The following GBE1 variants were observed in gnomAD, a reference collection of about 807,000 sequenced individuals.
GBE1 encodes the protein 1,4-alpha-glucan branching enzyme 1, also known as 1,4-alpha-glucan-branching enzyme.
Under a neutral mutation model 88.8 loss-of-function variants are expected in GBE1, and 70 were observed. The ratio of observed to expected loss-of-function variants is 0.79; its 90% CI spans 0.65 to 0.96. The LOEUF (loss-of-function observed/expected upper bound fraction) is 0.96, where lower values mean the gene tolerates loss of function less well. Among genes scored for constraint, GBE1 ranks in the 40% least tolerant of loss-of-function variants. The pLI is 0.00. For missense variants in GBE1, 872 were observed against 871.0 expected (o/e 1.00, Z -0.01); for synonymous variants, 284 against 300.1 (o/e 0.95, Z 0.56).
intron 2 of GBE1, among the ~76,000 whole-genome samples, chr3:81,684,362 A>T (rs376361477): frequency 6.6e-6 from 1 of 152,200 alleles, no homozygotes; most frequent in African/African-American, 2.4e-5. Context: ...TGGGTCACTT[A>T]AACAAAAAAC....
intron 1 of GBE1, among the ~76,000 whole-genome samples, chr3:81,722,799 G>A (rs1706051354): frequency 6.6e-6 from 1 of 150,786 alleles, no homozygotes; most frequent in Admixed American, 6.6e-5. Context: ...TCTATATTCA[G>A]TTTTCCCACC....
In GBE1 at chr3:81,705,521, T is replaced by C; in HGVS notation, c.236A>G (p.His79Arg). Reference protein sequence around the residue: ...FSRGYESFGVHRCADGGLYCK... With the variant: ...FSRGYESFGVRRCADGGLYCK... ...GTATAAACCACCATCAGCACATCTG[T>C]GGACGCCAAATGATTCATAGCCTCT... Residue 79 changes from histidine (H) to arginine (R), a missense_variant, in exon 2 of 16, where the codon CAC (histidine) becomes CGC (arginine). Transcript: ENST00000429644. The C allele has an allele frequency of 6.2e-7, 1 of 1,603,054 alleles. No individual in the cohort carries two copies. The highest frequency in any genetic ancestry group is 8.5e-7 in the Non-Finnish European group (1 of 1,174,390).
chr3:81,558,098 A>G (rs1703372021), intron 12 of GBE1, among the ~76,000 whole-genome samples: 1 of 152,078 alleles, frequency 6.6e-6, no homozygotes, highest in African/African-American at 2.4e-5. Context: ...AAGAGAAAAA[A>G]TGATAAAATA....
At chr3:81,526,399 G>C (rs1215483361) in intron 14 of GBE1, among the ~76,000 whole-genome samples, 1 of 151,992 alleles carries the variant, frequency 6.6e-6, no homozygotes, top group Non-Finnish European at 1.5e-5. Context: ...AGAAATAAAG[G>C]GTAATCAATT....
chr3:81,705,063 G>A (rs1005145463), intron 2 of GBE1, among the ~76,000 whole-genome samples: 26 of 152,122 alleles, frequency 1.7e-4, no homozygotes, highest in Admixed American at 1.7e-3. Flanking sequence ...GAACTATGAT[G>A]CCAGCCAGCC....
At chr3:81,621,998 A>C (rs1240190818) in intron 7 of GBE1, among the ~76,000 whole-genome samples, 2 of 152,216 alleles carry the variant, frequency 1.3e-5, no homozygotes, top group Non-Finnish European at 2.9e-5. Context: ...TTTTCTAAGA[A>C]CCCTATCAGC....
At chr3:81,756,245 T>A (rs1325404146) in intron 1 of GBE1, among the ~76,000 whole-genome samples, 1 of 152,176 alleles carries the variant, frequency 6.6e-6, no homozygotes. Context: ...CATCTTTAGC[T>A]CTTTAATTGA....
intron 14 of GBE1, among the ~76,000 whole-genome samples, chr3:81,500,830 C>T (rs995047837): frequency 1.3e-5 from 2 of 152,288 alleles, no homozygotes; most frequent in Middle Eastern, 3.4e-3. Context: ...TATTAAAATG[C>T]AGATTATATT....
At chr3:81,583,736 T>C (rs1224171222) in intron 10 of GBE1, among the ~76,000 whole-genome samples, 2 of 152,134 alleles carry the variant, frequency 1.3e-5, no homozygotes, top group Non-Finnish European at 2.9e-5. Flanking sequence ...TGCCAGCGGT[T>C]AAGGCATTAT....
rs775874322 is a variant in GBE1, at chr3:81,591,054, A to C, written c.1219T>G (p.Ser407Ala). Reference protein sequence around the residue: ...NHLVHTLCPDSITIAEDVSGM... With the variant: ...NHLVHTLCPDAITIAEDVSGM... ...GGCTTTACCTCAGCTATTGTTATAG[A>C]ATCGGGACACAGCGTGTGAACCAAA... The change falls in exon 9 of 16, where the codon TCT becomes GCT. Residue 407 changes from serine (S) to alanine (A), a missense_variant. Ser to Ala is a moderately conservative substitution (Grantham distance 99). Transcript: ENST00000429644. The C allele has an allele frequency of 1.2e-6, 2 of 1,609,880 alleles. No homozygotes were observed. Among genetic ancestry groups the C allele is most frequent in the East Asian group, 2.2e-5 (1 of 44,740 alleles).
intron 12 of GBE1, among the ~76,000 whole-genome samples, chr3:81,537,311 C>T (rs1249291220): frequency 6.6e-6 from 1 of 152,020 alleles, no homozygotes; most frequent in Admixed American, 6.6e-5. Flanking sequence ...CAGGGTCCAG[C>T]TTCAGTTTGG....
chr3:81,659,741 G>A (rs960417113), intron 3 of GBE1, among the ~76,000 whole-genome samples: 4 of 151,960 alleles, frequency 2.6e-5, no homozygotes, highest in Non-Finnish European at 1.5e-5. Flanking sequence ...AAGAAATCTA[G>A]AGAAATTCCG....
chr3:81,592,376 T>C (rs1434634721), intron 8 of GBE1, among the ~76,000 whole-genome samples: 1 of 151,878 alleles, frequency 6.6e-6, no homozygotes, highest in African/African-American at 2.4e-5. Context: ...AGACATTGCT[T>C]CTGTAAATAG....
intron 7 of GBE1, among the ~76,000 whole-genome samples, chr3:81,621,368 T>C (rs763878651): frequency 2.0e-5 from 3 of 152,152 alleles, no homozygotes; most frequent in Non-Finnish European, 4.4e-5. Context: ...AAAAGTTAAG[T>C]ATATGAAAAT....
chr3:81,718,570 T>C (rs1705975828), intron 1 of GBE1, among the ~76,000 whole-genome samples: 1 of 152,140 alleles, frequency 6.6e-6, no homozygotes, highest in South Asian at 2.1e-4. Flanking sequence ...ACCCAAGATT[T>C]TACCTCCAAA....
At position 81,740,439 on chromosome 3, in the gene GBE1, C is replaced by T. The variant is rs184302500; in HGVS notation, c.143+20936G>A. Among the ~76,000 whole-genome samples, 942 of 151,082 alleles carry T rather than the reference C, an allele frequency of 6.2e-3. 4 individuals carry two copies. Among genetic ancestry groups the T allele is most frequent in the Non-Finnish European group, 9.4e-3 (638 of 67,748 alleles). ...AGCTGGCCTTTAAGAAAAGCCAAAACAAAACAAAACAAAAAACAAATAATC... is the reference window on the plus strand; with the variant it reads ...AGCTGGCCTTTAAGAAAAGCCAAAATAAAACAAAACAAAAAACAAATAATC... On this transcript the variant is annotated intron_variant, in intron 1 of 15. Transcript: ENST00000429644.
chr3:81,515,502 C>T (rs1395195639), intron 14 of GBE1, among the ~76,000 whole-genome samples: 2 of 151,412 alleles, frequency 1.3e-5, no homozygotes, highest in Non-Finnish European at 3.0e-5. Context: ...TTTTCTTGGG[C>T]CTCCGTATTG....
chr3:81,707,272 A>T (rs911900971), intron 1 of GBE1, among the ~76,000 whole-genome samples: 2 of 152,014 alleles, frequency 1.3e-5, no homozygotes, highest in Non-Finnish European at 2.9e-5. Flanking sequence ...GATAAAGCCA[A>T]CTCCACACAA....
At chr3:81,641,579 A>T (rs1704679204) in intron 7 of GBE1, among the ~76,000 whole-genome samples, 1 of 152,110 alleles carries the variant, frequency 6.6e-6, no homozygotes, top group Admixed American at 6.6e-5. Context: ...AAGAATGATT[A>T]ATCAGTTTGT....
Sources: gnomAD v4.1 joint callset for allele counts (sites outside exome capture counted in the v4.1 genomes callset) on GRCh38, gnomAD v4.1.1 for gene constraint, MANE v1.5 for transcripts, NCBI Gene and HGNC (gene_info 2026-07-23, HGNC 2026-07-21) for gene names.